GPCPD1: variants seen among roughly 807,000 people sequenced by gnomAD.
GPCPD1 encodes glycerophosphocholine phosphodiesterase 1.
A neutral mutation model predicts 89.2 loss-of-function variants in GPCPD1; 29 were observed. The observed-to-expected ratio is 0.33, with a 90% CI of 0.24 to 0.44. The LOEUF is 0.44. Ranked by LOEUF, GPCPD1 falls within the 20% of genes least tolerant of loss-of-function variation. GPCPD1 has a pLI of 1.00. For missense variants in GPCPD1, 594 were observed against 808.9 expected (o/e 0.73, Z 3.22); for synonymous variants, 258 against 266.3 (o/e 0.97, Z 0.30).
intron 11 of GPCPD1, among the ~76,000 whole-genome samples, chr20:5,573,690 C>G (rs1487906292): frequency 6.6e-6 from 1 of 152,172 alleles, no homozygotes; most frequent in African/African-American, 2.4e-5. Context: ...CTGCAGTGAG[C>G]CATGTTCGCA....
chr20:5,596,846 T>C (rs991749665), intron 3 of GPCPD1, among the ~76,000 whole-genome samples: 30 of 152,232 alleles, frequency 2.0e-4, no homozygotes, highest in African/African-American at 7.2e-4. Flanking sequence ...CCCTTCTCCC[T>C]GTGAAACACT....
chr20:5,600,348 G>A (rs1329950301), intron 2 of GPCPD1, among the ~76,000 whole-genome samples: 1 of 152,102 alleles, frequency 6.6e-6, no homozygotes, highest in African/African-American at 2.4e-5. Flanking sequence ...TTGAGGCCAG[G>A]AGTTTGAGAA....
chr20:5,579,942 T>C (rs1416975531), intron 7 of GPCPD1, 66 bp downstream of exon 7: 4 of 991,908 alleles, frequency 4.0e-6, no homozygotes, highest in Non-Finnish European at 4.6e-6. Context: ...CTAAAACCAA[T>C]TGAGTCTGAA....
rs760816272 is a variant in GPCPD1, at chr20:5,567,572, AAAAAAAGAAAGAAAG to A, written c.1150-27_1150-13del. On this transcript the variant is annotated splice_polypyrimidine_tract_variant and intron_variant, in intron 12 of 19. Transcript: ENST00000379019. ...TCAGCATCAAATTTCTAAAAAAAAAAAAAAAAGAAAGAAAGAAAAAGAAAGAATAAAGAAAATTAA... is the reference window on the plus strand; with the variant it reads ...TCAGCATCAAATTTCTAAAAAAAAAAAAAAAGAAAGAATAAAGAAAATTAA... 1.4e-4 allele frequency: 210 copies of A among 1,550,104 alleles called. No homozygotes were observed. Among genetic ancestry groups the A allele is most frequent in the Non-Finnish European group, 1.7e-4 (195 of 1,155,284 alleles).
At chr20:5,562,234 C>T (rs1260296366) in intron 15 of GPCPD1, among the ~76,000 whole-genome samples, 2 of 152,126 alleles carry the variant, frequency 1.3e-5, no homozygotes, top group Admixed American at 1.3e-4. Context: ...GAAGCCCAGA[C>T]ATATACATAA....
At chr20:5,585,614 CAAAAAAAAAAAGACAAAAAA>C (rs1978862792) in intron 5 of GPCPD1, 1 of 78,876 alleles carries the variant, frequency 1.3e-5, no homozygotes, top group South Asian at 3.8e-4. Context: ...AAACAACTTA[CAAAAAAAAAAAGACAAAAAA>C]AAAAAAGAAA....
intron 1 of GPCPD1, among the ~76,000 whole-genome samples, chr20:5,606,676 C>T (rs554140682): frequency 1.0e-3 from 153 of 152,296 alleles, no homozygotes; most frequent in Admixed American, 1.4e-3. Flanking sequence ...CCCTGCTGAA[C>T]ACCATACAAT....
At chr20:5,600,935 A>G (rs1449581086) in intron 2 of GPCPD1, among the ~76,000 whole-genome samples, 1 of 152,146 alleles carries the variant, frequency 6.6e-6, no homozygotes, top group Non-Finnish European at 1.5e-5. Flanking sequence ...GGGTGCAGTG[A>G]GCCAAGATCA....
At chr20:5,566,457 C>T (rs936667240) in intron 14 of GPCPD1, among the ~76,000 whole-genome samples, 7 of 152,142 alleles carry the variant, frequency 4.6e-5, no homozygotes, top group African/African-American at 1.7e-4. Flanking sequence ...GATTTACTTT[C>T]TACTTTGTAA....
intron 4 of GPCPD1, among the ~76,000 whole-genome samples, chr20:5,588,757 G>A (rs1442227974): frequency 2.6e-5 from 4 of 151,454 alleles, no homozygotes; most frequent in Non-Finnish European, 4.4e-5. Context: ...TCTGGGAGGC[G>A]GAGGCTGCAG....
chr20:5,549,591 G>T (rs1352457130), intron 19 of GPCPD1: 7 of 608,598 alleles, frequency 1.2e-5, no homozygotes, highest in African/African-American at 1.9e-5. Context: ...GAGTGGACTG[G>T]ATTTAAATTT....
intron 4 of GPCPD1, among the ~76,000 whole-genome samples, chr20:5,589,077 A>AT (rs1979141941): frequency 6.6e-6 from 1 of 152,220 alleles, no homozygotes; most frequent in Non-Finnish European, 1.5e-5. Flanking sequence ...ACCCCACTGC[A>AT]TAAAACCACC....
chr20:5,588,969 ATCTTTACT>A (rs2122734543), intron 4 of GPCPD1, among the ~76,000 whole-genome samples: 1 of 152,392 alleles, frequency 6.6e-6, no homozygotes, highest in Non-Finnish European at 1.5e-5. Flanking sequence ...TGATAGCAGT[ATCTTTACT>A]TAATCAAGTA....
rs1423277626 is a variant in GPCPD1 at position 5,547,317 on chromosome 20, GA to G, written c.*343del. 1.3e-5 allele frequency: 2 copies of G among 154,650 alleles called. No individual in the cohort carries two copies. Among genetic ancestry groups the G allele is most frequent in the Non-Finnish European group, 2.9e-5 (2 of 69,432 alleles). 9.6% of individuals were successfully genotyped at this position (154,650 alleles called of 1,614,324 possible). A position where few individuals can be genotyped will look rare whatever the true frequency, so the allele number is the denominator to read the frequency against. On this transcript the variant is annotated 3_prime_UTR_variant, in exon 20 of 20. Transcript: ENST00000379019. ...CTAAAGATTTCAGACCTGATCAAAT[GA>G]AAAGCTGTAAGTGTAAATATGAGCT... is the stretch of plus-strand genomic sequence containing the variant.
At chr20:5,603,698 C>T (rs1980338690) in intron 2 of GPCPD1, among the ~76,000 whole-genome samples, 1 of 151,860 alleles carries the variant, frequency 6.6e-6, no homozygotes, top group African/African-American at 2.4e-5. Context: ...AAAACATATT[C>T]ACACATAGGA....
At chr20:5,561,396 G>C (rs2122583010) in intron 16 of GPCPD1, 69 bp downstream of exon 16, 3 of 817,238 alleles carry the variant, frequency 3.7e-6, no homozygotes, top group Admixed American at 4.4e-5. Flanking sequence ...AAAATACAAA[G>C]ACAGGAATGA....
At chr20:5,572,201 G>C (rs6085211) in intron 11 of GPCPD1, among the ~76,000 whole-genome samples, 110,652 of 152,016 alleles carry the variant, frequency 0.73, 41,591 homozygotes, top group African/African-American at 0.92. Context: ...CCTGGGTGAC[G>C]AAGCCATCAC....
intron 12 of GPCPD1, among the ~76,000 whole-genome samples, chr20:5,569,508 G>A (rs149625729): frequency 1.4e-5 from 2 of 145,656 alleles, no homozygotes; most frequent in East Asian, 2.0e-4. Flanking sequence ...ATCCCCCCCC[G>A]CCATTATGCC....
intron 19 of GPCPD1, among the ~76,000 whole-genome samples, chr20:5,553,450 G>A (rs942978087): frequency 2.0e-5 from 3 of 152,090 alleles, no homozygotes; most frequent in African/African-American, 4.8e-5. Context: ...GTGCTCAGGT[G>A]AAAGAAGAGT....
Sources: gnomAD v4.1 joint callset for allele counts (sites outside exome capture counted in the v4.1 genomes callset) on GRCh38, gnomAD v4.1.1 for gene constraint, MANE v1.5 for transcripts, NCBI Gene and HGNC (gene_info 2026-07-23, HGNC 2026-07-21) for gene names.